CILK1: variants seen among roughly 807,000 people sequenced by gnomAD.
CILK1 encodes serine/threonine-protein kinase ICK.
In CILK1, 47 loss-of-function variants were observed where a neutral mutation model predicts 79.2. The observed-to-expected ratio is 0.59, with a 90% CI of 0.47 to 0.76. CILK1 has a LOEUF of 0.76. Ranked by LOEUF, CILK1 falls within the 30% of genes least tolerant of loss-of-function variation. The pLI, the probability that CILK1 is intolerant of heterozygous loss-of-function variation, is 0.00. For synonymous variants in CILK1, 266 were observed against 275.9 expected, an observed-to-expected ratio of 0.96 and a Z score of 0.36; for missense variants, 660 against 769.5, an observed-to-expected ratio of 0.86 and a Z score of 1.68.
chr6:53,037,537 TG>T (rs1158807657), intron 3 of CILK1, among the ~76,000 whole-genome samples: 1 of 152,060 alleles, frequency 6.6e-6, no homozygotes, highest in Non-Finnish European at 1.5e-5. Flanking sequence ...CGCAAGGGTG[TG>T]GGGGTCAATG....
At chr6:53,024,142 AAT>A (rs1332715273) in intron 5 of CILK1, among the ~76,000 whole-genome samples, 2 of 152,318 alleles carry the variant, frequency 1.3e-5, no homozygotes, top group East Asian at 3.9e-4. Context: ...AATATTTATG[AAT>A]ATATATTCCA....
chr6:53,051,897 C>T (rs1767505410), intron 1 of CILK1: 1 of 152,192 alleles, frequency 6.6e-6, no homozygotes, highest in Non-Finnish European at 1.5e-5. Context: ...CGAACAAGGA[C>T]ATTCTGTTTT....
At chr6:53,021,797 A>G (rs547821005) in intron 5 of CILK1, among the ~76,000 whole-genome samples, 1 of 110,016 alleles carries the variant, frequency 9.1e-6, no homozygotes, top group East Asian at 2.0e-4. Context: ...TCTACTTACT[A>G]AAAAAAAAAA....
chr6:53,048,644 G>A (rs1767268066), intron 1 of CILK1, among the ~76,000 whole-genome samples: 1 of 139,866 alleles, frequency 7.1e-6, no homozygotes, highest in Admixed American at 7.5e-5. Flanking sequence ...GGAAAATAGG[G>A]CGATGGACAA....
At chr6:53,034,985 T>A (rs1321874832) in intron 3 of CILK1, among the ~76,000 whole-genome samples, 2 of 152,086 alleles carry the variant, frequency 1.3e-5, no homozygotes, top group African/African-American at 2.4e-5. Context: ...GGACGAAGGA[T>A]GAGAATCAAC....
At chr6:53,021,493 C>T (rs994932540) in intron 5 of CILK1, among the ~76,000 whole-genome samples, 10 of 152,240 alleles carry the variant, frequency 6.6e-5, no homozygotes, top group African/African-American at 2.2e-4. Context: ...TCTCATTCAC[C>T]CACAAAAACC....
intron 5 of CILK1, among the ~76,000 whole-genome samples, chr6:53,022,199 T>G (rs1765288778): frequency 6.6e-6 from 1 of 152,158 alleles, no homozygotes; most frequent in South Asian, 2.1e-4. Flanking sequence ...GATTAATTAT[T>G]GAAGAAAGAA....
intron 7 of CILK1, 135 bp downstream of exon 7, chr6:53,018,195 G>T: frequency 1.2e-6 from 1 of 845,826 alleles, no homozygotes; most frequent in Non-Finnish European, 2.0e-6. Flanking sequence ...CGTGGGCAGT[G>T]GAGAATGACT....
In CILK1 at chr6:53,012,048, G is replaced by C; in HGVS notation, c.1332C>G (p.Asp444Glu). Residue 444 changes from aspartate to glutamate, a missense_variant, in exon 10 of 14, where the codon GAC becomes GAG. Asp to Glu is a conservative substitution (Grantham distance 45, BLOSUM62 2). Coordinates refer to ENST00000676107, the MANE Select transcript of CILK1 (RefSeq NM_014920.5). ...DLKNKKRQSD[D>E]TLCRFESVLD... is the part of the protein sequence containing the mutation. ...AGCAGCACACTTGCCTGCAGAGAGT[G>C]TCATCACTCTGTCTTTTCTTGTTTT... 1 of 1,614,166 alleles carries C rather than the reference G, an allele frequency of 6.2e-7. No homozygotes were observed.
At chr6:53,061,496 G>T (rs1768453765) in intron 1 of CILK1, 100 bp downstream of exon 1, 1 of 152,348 alleles carries the variant, frequency 6.6e-6, no homozygotes, top group African/African-American at 2.4e-5. Flanking sequence ...CCGATCCGTC[G>T]CGGGGCCACG....
chr6:53,012,894 A>T (rs1052022635), intron 9 of CILK1, among the ~76,000 whole-genome samples: 2 of 151,928 alleles, frequency 1.3e-5, no homozygotes, highest in Non-Finnish European at 2.9e-5. Context: ...AAAAAATAGA[A>T]CCCCTTGTCA....
At chr6:53,009,697 G>T in intron 11 of CILK1, 130 bp from the exon 12 acceptor site, 1 of 772,240 alleles carries the variant, frequency 1.3e-6, no homozygotes, top group Non-Finnish European at 2.1e-6. Context: ...AGCAAAAACT[G>T]ACTGTGATGA....
intron 5 of CILK1, among the ~76,000 whole-genome samples, chr6:53,027,111 T>G (rs1765628899): frequency 1.3e-5 from 2 of 152,208 alleles, no homozygotes. Context: ...CAGATATTAT[T>G]AAATTCAAAC....
chr6:53,015,952 T>C (rs1764864702), intron 8 of CILK1, 131 bp downstream of exon 8: 3 of 905,336 alleles, frequency 3.3e-6, no homozygotes, highest in Non-Finnish European at 5.4e-6. Flanking sequence ...TCATACCTTA[T>C]ATAGTACACC....
At chr6:53,047,610 C>A (rs368882755) in intron 1 of CILK1, among the ~76,000 whole-genome samples, 1 of 151,090 alleles carries the variant, frequency 6.6e-6, no homozygotes, top group African/African-American at 2.4e-5. Context: ...CCTGGCCTCA[C>A]GCAGGAGTTT....
At chr6:53,039,120 G>A (rs1045434213) in intron 2 of CILK1, among the ~76,000 whole-genome samples, 8 of 152,180 alleles carry the variant, frequency 5.3e-5, no homozygotes, top group African/African-American at 1.2e-4. Context: ...ATTCATGCCC[G>A]AAATATTATT....
intron 5 of CILK1, among the ~76,000 whole-genome samples, chr6:53,019,941 G>C (rs1765133265): frequency 6.6e-6 from 1 of 151,866 alleles, no homozygotes. Flanking sequence ...CAAAGTATTG[G>C]GATTATAAGT....
At chr6:53,026,450 A>G (rs1765586355) in intron 5 of CILK1, among the ~76,000 whole-genome samples, 1 of 152,128 alleles carries the variant, frequency 6.6e-6, no homozygotes, top group South Asian at 2.1e-4. Flanking sequence ...CGCCCAGCCT[A>G]TAAAGCTTTT....
At chr6:53,050,435 G>GTATA (rs1168423508) in intron 1 of CILK1, among the ~76,000 whole-genome samples, 1 of 150,460 alleles carries the variant, frequency 6.6e-6, no homozygotes, top group Non-Finnish European at 1.5e-5. Flanking sequence ...GTGTGTGTGT[G>GTATA]TATATATATA....
Sources: gnomAD v4.1 joint callset for allele counts (sites outside exome capture counted in the v4.1 genomes callset) on GRCh38, gnomAD v4.1.1 for gene constraint, MANE v1.5 for transcripts, NCBI Gene and HGNC (gene_info 2026-07-23, HGNC 2026-07-21) for gene names.